DNAJB4: variants seen among roughly 807,000 people sequenced by gnomAD.
DNAJB4 encodes the protein dnaJ homolog subfamily B member 4.
In DNAJB4, 10 loss-of-function variants were observed where a neutral mutation model predicts 26.6. The ratio of observed to expected loss-of-function variants is 0.38; its 90% CI spans 0.23 to 0.64. The LOEUF (loss-of-function observed/expected upper bound fraction) is 0.64, where lower values mean the gene tolerates loss of function less well. DNAJB4 is among the 30% of genes least tolerant of loss of function. The pLI, the probability that DNAJB4 is intolerant of heterozygous loss-of-function variation, is 0.58. For synonymous variants in DNAJB4, 136 were observed against 134.8 expected (o/e 1.01, Z -0.06); for missense variants, 328 against 408.2 (o/e 0.80, Z 1.69).
intron 1 of DNAJB4, among the ~76,000 whole-genome samples, chr1:78,011,844 G>A (rs1005003724): frequency 8.0e-5 from 12 of 150,692 alleles, no homozygotes; most frequent in African/African-American, 2.7e-4. Context: ...AATGAATATG[G>A]TATTTTTATT....
chr1:77,992,790 T>C (rs562267750), intron 1 of DNAJB4: 1 of 152,318 alleles, frequency 6.6e-6, no homozygotes, highest in Admixed American at 6.5e-5. Flanking sequence ...AATGGTGCGA[T>C]CTCAGTCACT....
chr1:78,013,172 C>T lies in DNAJB4; in HGVS notation c.333C>T (p.Phe111=), dbSNP rs775364732. The change falls in exon 2 of 3, where the codon TTC becomes TTT. Residue 111 remains phenylalanine, a synonymous_variant. Coordinates refer to ENST00000370763, the MANE Select transcript of DNAJB4 (RefSeq NM_007034.5). ...GAGGGTCCAACCCCTTTGAAATTTT[C>T]TTTGGAAGACGAATGGGTGGTGGTA... The part of the protein sequence containing the change: ...FFGGSNPFEI[F]FGRRMGGGRD... 1.2e-6 allele frequency: 2 copies of T among 1,614,096 alleles called. No homozygotes were observed. Among genetic ancestry groups the T allele is most frequent in the Admixed American group, 3.3e-5 (2 of 60,004 alleles).
chr1:77,998,000 C>T (rs550503818), intron 1 of DNAJB4, among the ~76,000 whole-genome samples: 11 of 152,294 alleles, frequency 7.2e-5, no homozygotes, highest in African/African-American at 2.4e-4. Context: ...GTCTTGAACT[C>T]CTGGCCTCAA....
At chr1:77,979,888 G>T (rs56884644), upstream of DNAJB4, among the ~76,000 whole-genome samples, 1,304 of 144,956 alleles carry the variant, frequency 9.0e-3, 21 homozygotes, top group African/African-American at 0.034. Flanking sequence ...GTTTTTTTTT[G>T]TTTGTTTGTT....
At chr1:77,989,288 G>A (rs1250207196) in intron 1 of DNAJB4, among the ~76,000 whole-genome samples, 1 of 152,012 alleles carries the variant, frequency 6.6e-6, no homozygotes, top group East Asian at 1.9e-4. Context: ...TGTCATTTAA[G>A]CAATTATTTC....
chr1:77,979,437 C>T (rs1659410042), upstream of DNAJB4: 1 of 170,316 alleles, frequency 5.9e-6, no homozygotes, highest in African/African-American at 2.4e-5. Context: ...GAATTTTCCG[C>T]TATGGGTCAT....
intron 1 of DNAJB4, among the ~76,000 whole-genome samples, chr1:77,992,085 A>G (rs570664118): frequency 4.8e-4 from 73 of 152,288 alleles, no homozygotes; most frequent in African/African-American, 1.7e-3. Context: ...ACCATGGCAA[A>G]TGTTTTATAG....
chr1:78,006,955 T>C (rs529944758), intron 1 of DNAJB4, among the ~76,000 whole-genome samples: 2 of 152,344 alleles, frequency 1.3e-5, no homozygotes, highest in African/African-American at 4.8e-5. Flanking sequence ...TAGCTCAAGT[T>C]TGTGGCTAAG....
At position 78,005,033 on chromosome 1, in the gene DNAJB4, C is replaced by T; in HGVS notation, c.-78C>T. ...AAAATACCCAGCTTGGTTTATTTTT[C>T]TTAGAATCTGTTGCTAAGACTGGGG... On this transcript the variant is annotated 5_prime_UTR_variant, in exon 1 of 3. Coordinates refer to ENST00000370763, the MANE Select transcript of DNAJB4 (RefSeq NM_007034.5). The T allele has an allele frequency of 6.3e-6, 9 of 1,438,304 alleles. No individual in the cohort carries two copies. The South Asian group carries it at 1.1e-4, about 18-fold the overall frequency. The allele number at this position is 1,438,304 out of a possible 1,614,324, so 89.1% of individuals were successfully genotyped here. A position where few individuals can be genotyped will look rare whatever the true frequency, so the allele number is the denominator to read the frequency against.
chr1:77,993,295 A>G (rs114619972), intron 1 of DNAJB4, among the ~76,000 whole-genome samples: 2,252 of 152,140 alleles, frequency 0.015, 45 homozygotes, highest in African/African-American at 0.051. Flanking sequence ...ATATAGTTAT[A>G]GTATAAACTC....
intron 1 of DNAJB4, among the ~76,000 whole-genome samples, chr1:77,998,392 C>G (rs956152836): frequency 1.3e-5 from 2 of 152,042 alleles, no homozygotes; most frequent in Non-Finnish European, 2.9e-5. Context: ...ACTGTCATTG[C>G]CTAAAAAAGG....
chr1:77,998,146 C>T (rs1483222255), intron 1 of DNAJB4, among the ~76,000 whole-genome samples: 2 of 152,154 alleles, frequency 1.3e-5, no homozygotes, highest in Non-Finnish European at 2.9e-5. Flanking sequence ...TGTCTTCCCC[C>T]TCTAGAATGA....
chr1:78,002,727 C>T (rs868284792), upstream of DNAJB4, among the ~76,000 whole-genome samples: 5 of 152,178 alleles, frequency 3.3e-5, no homozygotes, highest in Middle Eastern at 3.4e-3. Context: ...ATACAACAAT[C>T]GCGTAAATCA....
chr1:77,987,945 TTATA>T, intron 1 of DNAJB4, among the ~76,000 whole-genome samples: 1 of 148,144 alleles, frequency 6.8e-6, no homozygotes, highest in Admixed American at 6.8e-5. Context: ...CATAAAGATT[TTATA>T]TATATACATA....
chr1:78,014,210 T>G (rs1218748254), intron 2 of DNAJB4, among the ~76,000 whole-genome samples: 2 of 151,634 alleles, frequency 1.3e-5, no homozygotes, highest in Admixed American at 1.3e-4. Flanking sequence ...CGGGTTCAAG[T>G]GATTCTCTTG....
chr1:78,008,058 T>TA (rs1172346691), intron 1 of DNAJB4, among the ~76,000 whole-genome samples: 1 of 152,256 alleles, frequency 6.6e-6, no homozygotes, highest in East Asian at 1.9e-4. Context: ...TGCTTTGTTT[T>TA]AAAAACAGTT....
intron 1 of DNAJB4, among the ~76,000 whole-genome samples, chr1:77,983,020 G>A (rs1017655513): frequency 1.3e-5 from 2 of 152,126 alleles, no homozygotes; most frequent in African/African-American, 2.4e-5. Context: ...GGAGGATCCC[G>A]CCAGCCTCTG....
At chr1:78,004,052 A>G (rs1438888215), upstream of DNAJB4, among the ~76,000 whole-genome samples, 1 of 152,186 alleles carries the variant, frequency 6.6e-6, no homozygotes, top group Non-Finnish European at 1.5e-5. Flanking sequence ...GGCATATCCA[A>G]ATTTTACATT....
chr1:77,987,071 C>CT (rs1370476721), intron 1 of DNAJB4, among the ~76,000 whole-genome samples: 1 of 152,214 alleles, frequency 6.6e-6, no homozygotes, highest in African/African-American at 2.4e-5. Flanking sequence ...CAGGCTTACT[C>CT]TATCAAGTGT....
Sources: gnomAD v4.1 joint callset for allele counts (sites outside exome capture counted in the v4.1 genomes callset) on GRCh38, gnomAD v4.1.1 for gene constraint, MANE v1.5 for transcripts, NCBI Gene and HGNC (gene_info 2026-07-23, HGNC 2026-07-21) for gene names.